MINK1: variants seen among roughly 807,000 people sequenced by gnomAD.
MINK1 encodes misshapen-like kinase 1.
In MINK1, 46 loss-of-function variants were observed where a neutral mutation model predicts 178.4. That is an observed-to-expected ratio of 0.26 (90% CI 0.20 to 0.33). The LOEUF (loss-of-function observed/expected upper bound fraction) is 0.33. Ranked by LOEUF, MINK1 falls within the 10% of genes least tolerant of loss-of-function variation. The pLI is 1.00. For synonymous variants in MINK1, 797 were observed against 709.7 expected, an observed-to-expected ratio of 1.12 and a Z score of -1.96; for missense variants, 1,366 against 1,814.9, an observed-to-expected ratio of 0.75 and a Z score of 4.49.
intron 4 of MINK1, 124 bp downstream of exon 4, chr17:4,881,381 C>A: frequency 1.8e-6 from 2 of 1,124,598 alleles, no homozygotes; most frequent in Non-Finnish European, 2.5e-6. Context: ...GTCTACCCAG[C>A]CTCCCCTGTC....
chr17:4,861,995 C>A (rs902435078), intron 1 of MINK1, among the ~76,000 whole-genome samples: 3 of 152,180 alleles, frequency 2.0e-5, no homozygotes, highest in Non-Finnish European at 4.4e-5. Flanking sequence ...TTCATTCGGG[C>A]ACCCATCTCA....
In MINK1 at chr17:4,897,991, C is replaced by CCCCCCCCCCCCCCCCCT. The variant is rs1555545738; in HGVS notation, c.*705_*706insCCCCCCCCCCCCCCCTC. 6.9e-6 allele frequency: 1 copy of CCCCCCCCCCCCCCCCCT among 145,846 alleles called. No individual in the cohort carries two copies. Among genetic ancestry groups the CCCCCCCCCCCCCCCCCT allele is most frequent in the Non-Finnish European group, 1.5e-5 (1 of 65,156 alleles). 9.0% of individuals were successfully genotyped at this position (145,846 alleles called of 1,614,324 possible). The stretch of plus-strand genomic sequence containing the variant: ...GCAAGTAACCCTTCTCCCTCCCCCC[C>CCCCCCCCCCCCCCCCCT]CACCCCTCCTCAATGTAGTGGCCTT... On this transcript the variant is annotated 3_prime_UTR_variant, in exon 32 of 32. Coordinates refer to ENST00000355280, the MANE Select transcript of MINK1 (RefSeq NM_153827.5).
chr17:4,886,668 C>G lies in MINK1; in HGVS notation c.949+42C>G. 1 of 1,509,078 alleles carries G rather than the reference C, an allele frequency of 6.6e-7. No homozygotes were observed. Among genetic ancestry groups the G allele is most frequent in the Non-Finnish European group, 8.9e-7 (1 of 1,129,798 alleles). 93.5% of individuals were successfully genotyped at this position (1,509,078 alleles called of 1,614,324 possible). Reference sequence around the variant, plus strand: ...GAGGGGGCAGGTACTAGGGGACACTCCAGCCTGGCTCCTCTCTGCCAGCCC... The same window carrying G: ...GAGGGGGCAGGTACTAGGGGACACTGCAGCCTGGCTCCTCTCTGCCAGCCC... On this transcript the variant is annotated intron_variant, in intron 10 of 31. Coordinates refer to ENST00000355280, the MANE Select transcript of MINK1 (RefSeq NM_153827.5). This position sits in a 1 kb window ranked among gnomAD's most constrained non-coding sequence, Gnocchi z 6.1.
chr17:4,874,686 C>A (rs1967013759), intron 1 of MINK1, among the ~76,000 whole-genome samples: 1 of 152,014 alleles, frequency 6.6e-6, no homozygotes, highest in African/African-American at 2.4e-5. Context: ...GCTATTGAAA[C>A]ATGGAGCATC....
At position 4,833,626 on chromosome 17, in the gene MINK1, C is replaced by T; in HGVS notation, c.43C>T (p.Leu15=). 1.3e-6 allele frequency: 2 copies of T among 1,499,830 alleles called. No individual in the cohort carries two copies. The highest frequency in any genetic ancestry group is 1.8e-6 in the Non-Finnish European group (2 of 1,131,170). 92.9% of individuals were successfully genotyped at this position (1,499,830 alleles called of 1,614,324 possible). The change falls in exon 1 of 32, where the codon CTG becomes TTG. Residue 15 remains leucine (L), a synonymous_variant. Transcript: ENST00000355280. The surrounding 1 kb of genome is among the most constrained non-coding windows in gnomAD (Gnocchi z 4.8). Reference sequence around the variant, plus strand: ...CGCCCGCAGCCTGGACGACATCGACCTGTCCGCCCTGCGGGTGAGCGCGCC... The same window carrying T: ...CGCCCGCAGCCTGGACGACATCGACTTGTCCGCCCTGCGGGTGAGCGCGCC... The part of the protein sequence containing the change: ...APARSLDDID[L]SALRDPAGIF...
chr17:4,872,695 C>T (rs985890964), intron 1 of MINK1, among the ~76,000 whole-genome samples: 2 of 152,076 alleles, frequency 1.3e-5, no homozygotes, highest in Non-Finnish European at 2.9e-5. Context: ...TTGCTTGAAC[C>T]CAGGAGGCGG....
At position 4,833,666 on chromosome 17, in the gene MINK1, C is replaced by T. The variant is rs1908819147; in HGVS notation, c.57+26C>T. ...GTGAGCGCGCCGTCCCCCAGCCTCG[C>T]CCTGGTTCCTGTCCCCGCCGCAGGG... On this transcript the variant is annotated intron_variant, in intron 1 of 31. Transcript: ENST00000355280. The surrounding 1 kb of genome is among the most constrained non-coding windows in gnomAD (Gnocchi z 4.8). 4.1e-6 allele frequency: 6 copies of T among 1,479,798 alleles called. No homozygotes were observed. The highest frequency in any genetic ancestry group is 4.5e-6 in the Non-Finnish European group (5 of 1,119,640). The allele number at this position is 1,479,798 out of a possible 1,614,324, so 91.7% of individuals were successfully genotyped here.
At position 4,833,379 on chromosome 17, in the gene MINK1, G is replaced by A. The variant is rs1908763809; in HGVS notation, c.-205G>A. 1.9e-6 allele frequency: 1 copy of A among 516,864 alleles called. No homozygotes were observed. Among genetic ancestry groups the A allele is most frequent in the East Asian group, 3.6e-5 (1 of 27,868 alleles). The allele number at this position is 516,864 out of a possible 1,614,324, so 32.0% of individuals were successfully genotyped here. On this transcript the variant is annotated 5_prime_UTR_variant, in exon 1 of 32. Coordinates refer to ENST00000355280, the MANE Select transcript of MINK1 (RefSeq NM_153827.5). This position sits in a 1 kb window ranked among gnomAD's most constrained non-coding sequence, Gnocchi z 4.8. ...CCGCGCCTGCGCAGGAGAGGTGGTA[G>A]GCTCGGGTGGCTGGCTCCGGGGAGA...
At chr17:4,891,418 G>A in intron 15 of MINK1, 38 bp from the exon 16 acceptor site, 1 of 1,521,572 alleles carries the variant, frequency 6.6e-7, no homozygotes, top group Non-Finnish European at 8.8e-7. Context: ...GATGTGCCAT[G>A]GAGCAGGCAG....
intron 1 of MINK1, chr17:4,868,746 CT>C (rs549753704): frequency 3.8e-5 from 8 of 210,498 alleles, no homozygotes; most frequent in South Asian, 1.3e-4. Context: ...GATTTCTTCT[CT>C]TTTTTTTCTT....
chr17:4,833,756 C>A lies in MINK1; in HGVS notation c.57+116C>A. ...CGCCCCCTCCACCAGCTTGGGTCCC[C>A]TTGGCGACCCGTGCCCCTTTCCCGG... is the stretch of plus-strand genomic sequence containing the variant. On this transcript the variant is annotated intron_variant, in intron 1 of 31. Transcript: ENST00000355280. This position sits in a 1 kb window ranked among gnomAD's most constrained non-coding sequence, Gnocchi z 4.8. 1 of 816,496 alleles carries A rather than the reference C, an allele frequency of 1.2e-6. No homozygotes were observed. The highest frequency in any genetic ancestry group is 2.0e-5 in the South Asian group (1 of 49,148). 50.6% of individuals were successfully genotyped at this position (816,496 alleles called of 1,614,324 possible). A position where few individuals can be genotyped will look rare whatever the true frequency, so the allele number is the denominator to read the frequency against.
intron 1 of MINK1, chr17:4,854,635 C>G: frequency 2.3e-6 from 1 of 427,286 alleles, no homozygotes; most frequent in Non-Finnish European, 4.7e-6. Flanking sequence ...TATAAACTGC[C>G]TTTCCTCCCA....
At chr17:4,892,117 C>T (rs1334786435) in intron 16 of MINK1, 32 bp from the exon 17 acceptor site, 15 of 1,541,698 alleles carry the variant, frequency 9.7e-6, no homozygotes, top group Non-Finnish European at 8.8e-7. Flanking sequence ...TGTCGCAGCG[C>T]CAGCTCGCAG....
intron 1 of MINK1, among the ~76,000 whole-genome samples, chr17:4,851,854 G>A (rs1414214988): frequency 6.6e-6 from 1 of 152,026 alleles, no homozygotes; most frequent in Non-Finnish European, 1.5e-5. Flanking sequence ...ACAAAAATTA[G>A]CCGGGTGTGG....
rs939195729 is a variant in MINK1, at chr17:4,887,330, G to A, written c.1019+151G>A. On this transcript the variant is annotated intron_variant, in intron 11 of 31. Transcript: ENST00000355280. This position sits in a 1 kb window ranked among gnomAD's most constrained non-coding sequence, Gnocchi z 7.6. ...ACCAAATTTCTGAGTGCTAAGAAGT[G>A]GAACCAATGACTGAGCAAGAGCTGG... Among the ~76,000 whole-genome samples, 6 of 152,154 alleles carry A rather than the reference G, an allele frequency of 3.9e-5. No individual in the cohort carries two copies. The highest frequency in any genetic ancestry group is 1.4e-4 in the African/African-American group (6 of 41,416).
rs749840996 is a variant in MINK1, at chr17:4,895,164, C to T, written c.3007C>T (p.Arg1003Trp). The T allele has an allele frequency of 3.7e-6, 6 of 1,613,942 alleles. No individual in the cohort carries two copies. The highest frequency in any genetic ancestry group is 5.1e-6 in the Non-Finnish European group (6 of 1,180,024). The change falls in exon 25 of 32, where the codon CGG becomes TGG. Residue 1003 changes from arginine to tryptophan, a missense_variant. By Grantham distance (101) the Arg-to-Trp change is moderately radical. Around this residue, in one of 14 missense-constraint regions of MINK1, gnomAD observed 42 missense variants for 64.0 expected, o/e 0.66. Transcript: ENST00000355280. This position sits in a 1 kb window ranked among gnomAD's most constrained non-coding sequence, Gnocchi z 4.3. ...SVVNVNPTNT[R>W]AHSETPEIRK... ...GGTCAACGTGAATCCCACCAACACC[C>T]GGGCCCACAGTGAGACCCCTGAGAT...
chr17:4,893,144 T>A (rs1969039715), intron 20 of MINK1, 77 bp downstream of exon 20: 3 of 1,504,220 alleles, frequency 2.0e-6, no homozygotes, highest in Non-Finnish European at 2.7e-6. Flanking sequence ...GTGTCAGGGG[T>A]GGGGTCTCCG....
chr17:4,861,116 C>G (rs1286079331), intron 1 of MINK1, among the ~76,000 whole-genome samples: 1 of 152,166 alleles, frequency 6.6e-6, no homozygotes, highest in Admixed American at 6.5e-5. Context: ...ATTTGGTGAC[C>G]TCGTATATAC....
rs943033646 is a variant in MINK1, at chr17:4,886,732, C to G, written c.949+106C>G. The G allele has an allele frequency of 3.1e-5, 38 of 1,220,978 alleles. No homozygotes were observed. The highest frequency in any genetic ancestry group is 3.9e-5 in the Non-Finnish European group (35 of 903,114). 75.6% of individuals were successfully genotyped at this position (1,220,978 alleles called of 1,614,324 possible). On this transcript the variant is annotated intron_variant, in intron 10 of 31. Transcript: ENST00000355280. This position sits in a 1 kb window ranked among gnomAD's most constrained non-coding sequence, Gnocchi z 6.1. ...CACCCCTTCCTGCTCCCCTCCTTGG[C>G]CCCAGCTCTCCCTGTCCAAGGAGAT...
Sources: gnomAD v4.1 joint callset for allele counts (sites outside exome capture counted in the v4.1 genomes callset) on GRCh38, gnomAD v4.1.1 for gene constraint, gnomAD v4.1.1 regional missense constraint, Gnocchi (gnomAD v3.1) non-coding constraint, MANE v1.5 for transcripts, NCBI Gene and HGNC (gene_info 2026-07-23, HGNC 2026-07-21) for gene names.